USP6: variants seen among roughly 807,000 people sequenced by gnomAD.
USP6 encodes the protein ubiquitin specific peptidase 6, also known as ubiquitin carboxyl-terminal hydrolase 6.
USP6 carries 128 observed loss-of-function variants against 175.7 expected under a neutral mutation model. That is an observed-to-expected ratio of 0.73 (90% CI 0.63 to 0.84). The LOEUF (loss-of-function observed/expected upper bound fraction) is 0.84. Ranked by LOEUF, USP6 falls within the 40% of genes least tolerant of loss-of-function variation. The pLI is 0.00. For synonymous variants in USP6, 562 were observed against 630.6 expected, an observed-to-expected ratio of 0.89 and a Z score of 1.63; for missense variants, 1,498 against 1,760.3, an observed-to-expected ratio of 0.85 and a Z score of 2.67.
chr17:5,146,315 C>T (rs568797646), intron 28 of USP6, 141 bp downstream of exon 28: 254 of 1,211,304 alleles, frequency 2.1e-4, no homozygotes, highest in Admixed American at 5.9e-4. Context: ...CAAAAAATGC[C>T]AAGTTTTCCA....
intron 17 of USP6, among the ~76,000 whole-genome samples, 184 bp from the exon 18 acceptor site, chr17:5,136,456 G>C (rs2073256817): frequency 1.3e-5 from 2 of 152,364 alleles, no homozygotes; most frequent in Non-Finnish European, 2.9e-5. Flanking sequence ...GGAACCTCCA[G>C]CCAGGCTCCA....
rs910331205 is a variant in USP6, at chr17:5,116,513, T to C, written c.-2155T>C. On this transcript the variant is annotated 5_prime_UTR_variant, in exon 1 of 38. Transcript: ENST00000574788. ...CGACGAAAGGGAAAAGGCCAGTGCCTGTCCGGGAAGAGCTCAGCCTAGTGG... is the reference window on the plus strand; with the variant it reads ...CGACGAAAGGGAAAAGGCCAGTGCCCGTCCGGGAAGAGCTCAGCCTAGTGG... 2 of 152,346 alleles carry C rather than the reference T, an allele frequency of 1.3e-5. No individual in the cohort carries two copies. The highest frequency in any genetic ancestry group is 1.5e-5 in the Non-Finnish European group (1 of 68,124). 9.4% of individuals were successfully genotyped at this position (152,346 alleles called of 1,614,324 possible). A position where few individuals can be genotyped will look rare whatever the true frequency, so the allele number is the denominator to read the frequency against.
At chr17:5,116,903 C>A (rs542790164) in intron 1 of USP6, among the ~76,000 whole-genome samples, 163 bp downstream of exon 1, 1 of 152,146 alleles carries the variant, frequency 6.6e-6, no homozygotes, top group Non-Finnish European at 1.5e-5. Context: ...GAGCTAGGTA[C>A]GGAGGGAGCA....
chr17:5,133,350 G>T lies in USP6; in HGVS notation c.277-93G>T. On this transcript the variant is annotated intron_variant, in intron 13 of 37. Coordinates refer to ENST00000574788, the MANE Select transcript of USP6 (RefSeq NM_001304284.2). ...ATCTCGCCTCTACTGAGGAATCATG[G>T]GGCCAAAACTGACAATTTCCAGAAT... The T allele has an allele frequency of 2.2e-6, 3 of 1,384,546 alleles. No individual in the cohort carries two copies. In the South Asian group the frequency reaches 3.6e-5, roughly 16 times the overall value. 85.8% of individuals were successfully genotyped at this position (1,384,546 alleles called of 1,614,324 possible).
chr17:5,146,337 T>TA (rs200573799), intron 28 of USP6, among the ~76,000 whole-genome samples, 163 bp downstream of exon 28: 1 of 152,078 alleles, frequency 6.6e-6, no homozygotes, highest in Non-Finnish European at 1.5e-5. Flanking sequence ...CCCAGAAACT[T>TA]AAAAGAGTTT....
intron 2 of USP6, among the ~76,000 whole-genome samples, chr17:5,118,625 T>C (rs2143691730): frequency 1.3e-5 from 2 of 152,358 alleles, no homozygotes; most frequent in East Asian, 3.9e-4. Context: ...TGACAGCCTT[T>C]TGGGTAGCCA....
chr17:5,161,944 G>A (rs748283804), intron 32 of USP6, among the ~76,000 whole-genome samples: 3 of 152,130 alleles, frequency 2.0e-5, no homozygotes, highest in African/African-American at 2.4e-5. Context: ...CCCAGGAGGC[G>A]GAGACTGCAG....
intron 26 of USP6, 30 bp downstream of exon 26, chr17:5,144,893 C>T: frequency 6.4e-7 from 1 of 1,564,306 alleles, no homozygotes; most frequent in Non-Finnish European, 8.7e-7. Flanking sequence ...CTAATGTAAG[C>T]AATAGACAAA....
At chr17:5,156,370 C>T (rs2073884865) in intron 31 of USP6, among the ~76,000 whole-genome samples, 1 of 151,802 alleles carries the variant, frequency 6.6e-6, no homozygotes, top group Non-Finnish European at 1.5e-5. Context: ...TGCAATGGCA[C>T]GATCCTGGCT....
chr17:5,129,728 CCA>C (rs1284952862), intron 8 of USP6: 1 of 156,482 alleles, frequency 6.4e-6, no homozygotes. Flanking sequence ...ATGGTGGAGT[CCA>C]CAGTCCCTCC....
chr17:5,130,464 G>T, intron 10 of USP6, 25 bp downstream of exon 10: 1 of 1,613,976 alleles, frequency 6.2e-7, no homozygotes, highest in Non-Finnish European at 8.5e-7. Flanking sequence ...GCTCCTTGGA[G>T]GGAGGCCTCT....
chr17:5,129,387 C>A, intron 8 of USP6: 1 of 152,500 alleles, frequency 6.6e-6, no homozygotes, highest in Non-Finnish European at 1.5e-5. Flanking sequence ...GGGGCCTAAG[C>A]TGGGTCTTGA....
rs1567770849 is a variant in USP6 at position 5,124,755 on chromosome 17, C to T, written c.-1109C>T. On this transcript the variant is annotated 5_prime_UTR_variant, in exon 5 of 38. Transcript: ENST00000574788. ...CAGTCTGTGGTACTGTAAAACAGCC[C>T]TGGGAAACTAACGCAGCCTGTTAGC... 1 of 152,192 alleles carries T rather than the reference C, an allele frequency of 6.6e-6. No homozygotes were observed. Among genetic ancestry groups the T allele is most frequent in the African/African-American group, 2.4e-5 (1 of 41,418 alleles). 9.4% of individuals were successfully genotyped at this position (152,192 alleles called of 1,614,324 possible). A position where few individuals can be genotyped will look rare whatever the true frequency, so the allele number is the denominator to read the frequency against.
At chr17:5,141,739 T>G (rs2304448) in intron 23 of USP6, among the ~76,000 whole-genome samples, 119,196 of 152,062 alleles carry the variant, frequency 0.78, 47,654 homozygotes, top group African/African-American at 0.85. Flanking sequence ...GCTAGAAGAA[T>G]AATTGTTTGA....
intron 37 of USP6, among the ~76,000 whole-genome samples, chr17:5,172,272 C>G (rs1022930213): frequency 1.4e-4 from 21 of 152,094 alleles, no homozygotes; most frequent in Non-Finnish European, 2.8e-4. Context: ...TGGCTCATGC[C>G]TATAATCCCA....
At chr17:5,171,522 A>AC in intron 36 of USP6, 65 bp from the exon 37 acceptor site, 1 of 1,455,880 alleles carries the variant, frequency 6.9e-7, no homozygotes, top group South Asian at 1.2e-5. Context: ...CTCAGATCTT[A>AC]GTGCTATACC....
chr17:5,130,608 C>T lies in USP6; in HGVS notation c.79C>T (p.Arg27Ter), dbSNP rs142168522. ...DILMKYDKGH[R>*]AGLPEDKGPE... ...GGCTCCCTCTGGGTTACAGGGACAC[C>T]GAGCTGGGCTGCCAGAGGACAAGGG... Residue 27 changes from arginine to a stop codon, truncating the protein, a stop_gained, in exon 11 of 38, where the codon CGA becomes TGA. Coordinates refer to ENST00000574788, the MANE Select transcript of USP6 (RefSeq NM_001304284.2). LOFTEE classifies it high-confidence loss of function. 100 of 1,613,794 alleles carry T rather than the reference C, an allele frequency of 6.2e-5. 1 individual carries two copies. Among genetic ancestry groups the T allele is most frequent in the South Asian group, 4.2e-4 (38 of 91,066 alleles).
At chr17:5,134,110 G>A (rs879252478) in intron 15 of USP6, 114 bp downstream of exon 15, 2 of 1,151,390 alleles carry the variant, frequency 1.7e-6, no homozygotes, top group Non-Finnish European at 1.3e-6. Flanking sequence ...GCTGCCAAGA[G>A]CTCTCCTGGC....
At chr17:5,134,286 A>G (rs761075161) in intron 15 of USP6, 3 of 396,760 alleles carry the variant, frequency 7.6e-6, no homozygotes, top group African/African-American at 2.0e-5. Flanking sequence ...ACGGAGACCC[A>G]TGGTAGGACC....
Sources: allele counts gnomAD v4.1 joint callset (sites outside exome capture counted in the v4.1 genomes callset), GRCh38; gene constraint gnomAD v4.1.1; transcripts MANE v1.5; gene names NCBI Gene and HGNC (gene_info 2026-07-23, HGNC 2026-07-21).